Variants in EPB41 observed in about 807,000 individuals in gnomAD.
The protein encoded by EPB41 is protein 4.1.
In EPB41, 65 loss-of-function variants were observed where a neutral mutation model predicts 108.0. The observed-to-expected ratio is 0.60, with a 90% CI of 0.49 to 0.74. The LOEUF is 0.74. Among genes scored for constraint, EPB41 ranks in the 30% least tolerant of loss-of-function variants. The probability of loss-of-function intolerance (pLI) is 0.00; values close to 1 mark genes in which losing one functional copy is unlikely to be tolerated. For missense variants in EPB41, 875 were observed against 1,037.0 expected (o/e 0.84, Z 2.15); for synonymous variants, 336 against 358.9 (o/e 0.94, Z 0.72).
chr1:28,988,396 G>C (rs2095920937), intron 2 of EPB41, among the ~76,000 whole-genome samples: 1 of 151,988 alleles, frequency 6.6e-6, no homozygotes, highest in Non-Finnish European at 1.5e-5. Flanking sequence ...GTCTTGCTCT[G>C]TCACCCAGGC....
intron 18 of EPB41, among the ~76,000 whole-genome samples, chr1:29,110,601 G>T (rs922707030): frequency 1.3e-5 from 2 of 152,150 alleles, no homozygotes; most frequent in Non-Finnish European, 2.9e-5. Context: ...AGAGGCAATC[G>T]ATGTTTGCTG....
At chr1:29,015,666 A>T (rs754190005) in intron 5 of EPB41, 26 bp from the exon 6 acceptor site, 2 of 1,434,598 alleles carry the variant, frequency 1.4e-6, no homozygotes, top group East Asian at 4.5e-5. Context: ...TATAAACGTA[A>T]AATTCTTTTG....
At chr1:28,928,876 A>G (rs1456055805) in intron 1 of EPB41, among the ~76,000 whole-genome samples, 1 of 152,182 alleles carries the variant, frequency 6.6e-6, no homozygotes, top group Non-Finnish European at 1.5e-5. Flanking sequence ...GTTTGTTTCT[A>G]AGGAACAGTG....
intron 2 of EPB41, among the ~76,000 whole-genome samples, chr1:28,990,224 T>A (rs2095977111): frequency 7.0e-6 from 1 of 143,436 alleles, no homozygotes; most frequent in Admixed American, 6.9e-5. Flanking sequence ...AGTGCGAGAT[T>A]CCATCTCAAA....
At chr1:28,914,953 G>A (rs929227342) in intron 1 of EPB41, among the ~76,000 whole-genome samples, 185 bp downstream of exon 1, 1 of 152,026 alleles carries the variant, frequency 6.6e-6, no homozygotes, top group Non-Finnish European at 1.5e-5. Flanking sequence ...TCGCCAGCCG[G>A]GACGCGGCCC....
At chr1:29,015,334 G>A (rs1020276844) in intron 5 of EPB41, among the ~76,000 whole-genome samples, 1 of 151,952 alleles carries the variant, frequency 6.6e-6, no homozygotes, top group African/African-American at 2.4e-5. Flanking sequence ...GAGGCGGGTG[G>A]ATCGCCTGAG....
intron 1 of EPB41, among the ~76,000 whole-genome samples, chr1:28,961,588 ATCTCTTC>A (rs2095216070): frequency 6.6e-6 from 1 of 152,218 alleles, no homozygotes; most frequent in African/African-American, 2.4e-5. Flanking sequence ...TGGGGATAAT[ATCTCTTC>A]TCTCTACTTG....
chr1:29,044,610 G>A (rs1434400999), intron 11 of EPB41, among the ~76,000 whole-genome samples: 1 of 152,162 alleles, frequency 6.6e-6, no homozygotes, highest in African/African-American at 2.4e-5. Context: ...GGGAGGCTGA[G>A]GCGGGCGGAT....
intron 19 of EPB41, among the ~76,000 whole-genome samples, chr1:29,113,561 T>G (rs1457670161): frequency 2.0e-5 from 3 of 152,224 alleles, no homozygotes; most frequent in African/African-American, 7.2e-5. Flanking sequence ...TGCTACGTGC[T>G]CAGTCTGCAC....
At chr1:28,911,902 C>T (rs559393225), upstream of EPB41, among the ~76,000 whole-genome samples, 4 of 64 alleles carry the variant, frequency 0.062, no homozygotes, top group Non-Finnish European at 0.14. Flanking sequence ...ATTAGCCAGG[C>T]GTGGTGCACA....
At position 29,115,358 on chromosome 1, in the gene EPB41, A is replaced by G. The variant is rs922262535; in HGVS notation, c.2497-341A>G. ...CAGTGAGCCGAGATTGCACCATTGC[A>G]CTCCAGCCTGGGTGACGGAGCGAGA... On this transcript the variant is annotated intron_variant, in intron 19 of 20. Coordinates refer to ENST00000343067, the MANE Select transcript of EPB41 (RefSeq NM_001376013.1). This position sits in a 1 kb window ranked among gnomAD's most constrained non-coding sequence, Gnocchi z 4.4. Among the ~76,000 whole-genome samples, 2 of 152,090 alleles carry G rather than the reference A, an allele frequency of 1.3e-5. No individual in the cohort carries two copies. The highest frequency in any genetic ancestry group is 4.8e-5 in the African/African-American group (2 of 41,406).
intron 16 of EPB41, 30 bp from the exon 17 acceptor site, chr1:29,097,777 T>A: frequency 6.2e-7 from 1 of 1,612,886 alleles, no homozygotes; most frequent in Non-Finnish European, 8.5e-7. Flanking sequence ...TCAGAAATAC[T>A]CTAGTAACTC....
chr1:28,969,603 A>C (rs1404279027), intron 1 of EPB41, among the ~76,000 whole-genome samples: 2 of 151,568 alleles, frequency 1.3e-5, no homozygotes, highest in East Asian at 3.9e-4. Flanking sequence ...GTCTGTACTA[A>C]AAATACAAAA....
Position 29,065,019 on chromosome 1 carries a change from A to T in EPB41, c.2045A>T (p.His682Leu). The change falls in exon 16 of 21, where the codon CAT becomes CTT. Residue 682 changes from histidine to leucine, a missense_variant. Physicochemically the swap from His to Leu is moderately conservative, Grantham distance 99. Transcript: ENST00000343067. ...DKSQEEIKKH[H>L]ASISELKKNF... is the part of the protein sequence containing the mutation. ...AGTCAAGAGGAGATCAAAAAACATC[A>T]TGCCAGCATCAGTGAGCTGAAAAAG... The T allele has an allele frequency of 6.2e-7, 1 of 1,614,148 alleles. No individual in the cohort carries two copies. Among genetic ancestry groups the T allele is most frequent in the Non-Finnish European group, 8.5e-7 (1 of 1,180,018 alleles).
intron 1 of EPB41, among the ~76,000 whole-genome samples, chr1:28,951,352 C>G (rs568463671): frequency 7.2e-6 from 1 of 139,834 alleles, no homozygotes; most frequent in African/African-American, 2.9e-5. Flanking sequence ...ACACATTTAC[C>G]CTGTGTCTTA....
intron 1 of EPB41, among the ~76,000 whole-genome samples, chr1:28,905,847 T>C (rs1418965552): frequency 6.7e-6 from 1 of 149,398 alleles, no homozygotes; most frequent in East Asian, 2.0e-4. Flanking sequence ...AGACGGAGTC[T>C]TGCTCTGTTG....
rs1670441932 is a variant in EPB41, at chr1:29,115,053, T to A, written c.2497-646T>A. Among the ~76,000 whole-genome samples the A allele has an allele frequency of 1.3e-5, 2 of 152,118 alleles. No individual in the cohort carries two copies. The highest frequency in any genetic ancestry group is 3.9e-4 in the East Asian group (2 of 5,188). ...CCTTTAGATTCACATCTTGAGTGAA[T>A]CCTCTCAGACCCTCCAGGTATAATG... is the stretch of plus-strand genomic sequence containing the variant. On this transcript the variant is annotated intron_variant, in intron 19 of 20. Coordinates refer to ENST00000343067, the MANE Select transcript of EPB41 (RefSeq NM_001376013.1). This position sits in a 1 kb window ranked among gnomAD's most constrained non-coding sequence, Gnocchi z 4.4.
intron 16 of EPB41, chr1:29,069,402 A>C (rs770954174): frequency 9.7e-5 from 119 of 1,228,918 alleles, no homozygotes; most frequent in Non-Finnish European, 1.2e-4. Context: ...AAGTGTCTAA[A>C]GCATTTGCTT....
At chr1:28,912,019 C>T (rs886104128), upstream of EPB41, among the ~76,000 whole-genome samples, 1 of 152,152 alleles carries the variant, frequency 6.6e-6, no homozygotes, top group African/African-American at 2.4e-5. Context: ...GCACTCCAGC[C>T]TGGGCAAAAA....
Sources: gnomAD v4.1 joint callset for allele counts (sites outside exome capture counted in the v4.1 genomes callset) on GRCh38, gnomAD v4.1.1 for gene constraint, Gnocchi (gnomAD v3.1) non-coding constraint, MANE v1.5 for transcripts, NCBI Gene and HGNC (gene_info 2026-07-23, HGNC 2026-07-21) for gene names.